The following MOK variants were observed in gnomAD, a reference collection of about 807,000 sequenced individuals.
The protein encoded by MOK is MOK protein kinase, also known as MAPK/MAK/MRK overlapping kinase.
MOK carries 59 observed loss-of-function variants against 54.2 expected under a neutral mutation model. That is an observed-to-expected ratio of 1.09 (90% CI 0.88 to 1.35). The LOEUF (loss-of-function observed/expected upper bound fraction) is 1.35. Ranked by LOEUF, MOK falls within the 40% of genes most tolerant of loss-of-function variation. The pLI, the probability that MOK is intolerant of heterozygous loss-of-function variation, is 0.00. For synonymous variants in MOK, 210 were observed against 202.7 expected (o/e 1.04, Z -0.31); for missense variants, 517 against 526.2 (o/e 0.98, Z 0.17).
downstream of MOK, among the ~76,000 whole-genome samples, chr14:102,222,201 C>T (rs908313162): frequency 6.6e-6 from 1 of 152,130 alleles, no homozygotes; most frequent in East Asian, 1.9e-4. This position sits in a 1 kb window ranked among gnomAD's most constrained non-coding sequence, Gnocchi z 4.4. Context: ...CTTCTCCACA[C>T]CCAGCTGCAG....
At chr14:102,284,530 G>A (rs768504130) in intron 1 of MOK, among the ~76,000 whole-genome samples, 13 of 152,056 alleles carry the variant, frequency 8.5e-5, no homozygotes, top group Non-Finnish European at 1.8e-4. Context: ...GAAATGGAAG[G>A]AATAAGTAAA....
At chr14:102,283,838 G>A (rs2069734307) in intron 1 of MOK, among the ~76,000 whole-genome samples, 1 of 152,128 alleles carries the variant, frequency 6.6e-6, no homozygotes, top group Non-Finnish European at 1.5e-5. Flanking sequence ...CCTGGCCAGT[G>A]AGGAGAGGCT....
intron 2 of MOK, among the ~76,000 whole-genome samples, chr14:102,276,578 C>T (rs1230110259): frequency 2.6e-5 from 4 of 151,850 alleles, no homozygotes; most frequent in Non-Finnish European, 4.4e-5. Flanking sequence ...CATATACCTA[C>T]CCTTTGACCC....
chr14:102,215,390 G>A, the MOK span, among the ~76,000 whole-genome samples: 7 of 152,148 alleles, frequency 4.6e-5, no homozygotes, highest in African/African-American at 1.4e-4. Flanking sequence ...CTGGACATCC[G>A]ACATTCTGTC....
chr14:102,217,330 C>T, the MOK span, among the ~76,000 whole-genome samples: 1 of 150,824 alleles, frequency 6.6e-6, no homozygotes, highest in Admixed American at 6.6e-5. Context: ...TGCTTTTCTT[C>T]CACCTTCAGA....
rs370835577 is a variant in MOK, at chr14:102,229,399, G to C, written c.1183-33C>G. On this transcript the variant is annotated intron_variant, in intron 11 of 11. Coordinates refer to ENST00000361847, the MANE Select transcript of MOK (RefSeq NM_014226.3). ...AGAAAAATTACAGACACAAAATTCA[G>C]TGGCGGCCTGGGCTGGGTCGAAGAG... The C allele has an allele frequency of 1.5e-4, 248 of 1,613,998 alleles. 1 individual carries two copies. Among genetic ancestry groups the C allele is most frequent in the Non-Finnish European group, 2.0e-4 (238 of 1,179,964 alleles).
chr14:102,221,430 T>G (rs556093103), downstream of MOK, among the ~76,000 whole-genome samples: 1 of 152,306 alleles, frequency 6.6e-6, no homozygotes, highest in South Asian at 2.1e-4. This position sits in a 1 kb window ranked among gnomAD's most constrained non-coding sequence, Gnocchi z 4.8. Context: ...CCAGACTGTC[T>G]GCGGCAGAAG....
intron 1 of MOK, among the ~76,000 whole-genome samples, chr14:102,298,946 A>C (rs1403747723): frequency 6.6e-6 from 1 of 152,050 alleles, no homozygotes; most frequent in Non-Finnish European, 1.5e-5. Flanking sequence ...CTGCAGCTTC[A>C]CTCCTGAAGC....
chr14:102,219,412 C>T, the MOK span, among the ~76,000 whole-genome samples: 2 of 152,258 alleles, frequency 1.3e-5, no homozygotes, highest in Non-Finnish European at 2.9e-5. Flanking sequence ...TGTCGCACCC[C>T]CTGCTTCTGG....
Position 102,232,090 on chromosome 14 carries a change from C to A in MOK, c.867-269G>T, listed in dbSNP as rs2064780654. 2.3e-6 allele frequency: 1 copy of A among 428,682 alleles called. No homozygotes were observed. Among genetic ancestry groups the A allele is most frequent in the Non-Finnish European group, 4.2e-6 (1 of 239,930 alleles). 26.6% of individuals were successfully genotyped at this position (428,682 alleles called of 1,614,324 possible). On this transcript the variant is annotated intron_variant, in intron 9 of 11. Transcript: ENST00000361847. This position sits in a 1 kb window ranked among gnomAD's most constrained non-coding sequence, Gnocchi z 5.1. ...TCAAACTGTCACCTCCACAGTTAGGCAAACAGGAGTGTCCAGAGGTCCGGA... is the reference window on the plus strand; with the variant it reads ...TCAAACTGTCACCTCCACAGTTAGGAAAACAGGAGTGTCCAGAGGTCCGGA...
At chr14:102,293,532 C>A (rs1163515525) in intron 1 of MOK, among the ~76,000 whole-genome samples, 1 of 151,392 alleles carries the variant, frequency 6.6e-6, no homozygotes, top group Non-Finnish European at 1.5e-5. Context: ...AACCCTGTCT[C>A]TACTAAAAAT....
At chr14:102,273,131 C>A (rs920077314) in intron 2 of MOK, among the ~76,000 whole-genome samples, 3 of 151,810 alleles carry the variant, frequency 2.0e-5, no homozygotes, top group Non-Finnish European at 2.9e-5. Context: ...GATCGCGCCA[C>A]TGCACTCCAG....
intron 2 of MOK, among the ~76,000 whole-genome samples, chr14:102,268,559 T>A (rs756978214): frequency 1.1e-4 from 17 of 152,162 alleles, no homozygotes; most frequent in Non-Finnish European, 1.9e-4. Context: ...AGATGACATT[T>A]ACCATAAGTG....
chr14:102,277,448 T>C (rs1339033854), intron 2 of MOK: 1 of 151,948 alleles, frequency 6.6e-6, no homozygotes, highest in East Asian at 1.9e-4. Flanking sequence ...TGAAACCCCG[T>C]CACTACTAAA....
Position 102,294,074 on chromosome 14 carries a change from C to A in MOK, c.8-10482G>T, listed in dbSNP as rs188178184. 2.0e-5 allele frequency among the ~76,000 whole-genome samples: 3 copies of A among 152,076 alleles called. No individual in the cohort carries two copies. The East Asian group carries it at 5.8e-4, about 29-fold the overall frequency. On this transcript the variant is annotated intron_variant, in intron 1 of 11. Transcript: ENST00000361847. ...CAGCACTCTGGGAGGCTTAGGCAGG[C>A]GGATCACCTGATCCCAGGAGTTTGA...
chr14:102,233,304 C>T (rs2064910456), intron 8 of MOK: 1 of 182,766 alleles, frequency 5.5e-6, no homozygotes. Context: ...AACACCTCTT[C>T]CAGGCGTCGG....
At chr14:102,283,173 AT>A in intron 2 of MOK, 1 of 205,352 alleles carries the variant, frequency 4.9e-6, no homozygotes, top group East Asian at 1.1e-4. Context: ...GTTTTTTTTA[AT>A]TAAAAAAAAA....
Position 102,229,312 on chromosome 14 carries a change from T to C in MOK, c.1237A>G (p.Ile413Val), listed in dbSNP as rs1290953916. ...AGTTATCTTCCGCCTTTCCGCACTA[T>C]GGTGGGCAGGCGACACTGCTGCGGG... is the stretch of plus-strand genomic sequence containing the variant. ...PAPQQCRLPT[I>V]VRKGGR Residue 413 changes from isoleucine (I) to valine (V), a missense_variant, in exon 12 of 12, where the codon ATA becomes GTA. By Grantham distance (29) the Ile-to-Val change is conservative (BLOSUM62 3). Transcript: ENST00000361847. The C allele has an allele frequency of 1.9e-6, 3 of 1,612,096 alleles. No homozygotes were observed. The highest frequency in any genetic ancestry group is 2.5e-6 in the Non-Finnish European group (3 of 1,178,870).
In MOK at chr14:102,232,335, A is replaced by G. The variant is rs1440874888; in HGVS notation, c.866+200T>C. 3.8e-5 allele frequency: 20 copies of G among 531,442 alleles called. No homozygotes were observed. Among genetic ancestry groups the G allele is most frequent in the Admixed American group, 1.1e-4 (3 of 28,528 alleles). The allele number at this position is 531,442 out of a possible 1,614,324, so 32.9% of individuals were successfully genotyped here. A position where few individuals can be genotyped will look rare whatever the true frequency, so the allele number is the denominator to read the frequency against. The stretch of plus-strand genomic sequence containing the variant: ...CTCTTTCTCCTGCCGTGGAGCTGCT[A>G]ACATCCTCATTTTGGGGAGGATACA... On this transcript the variant is annotated intron_variant, in intron 9 of 11. Coordinates refer to ENST00000361847, the MANE Select transcript of MOK (RefSeq NM_014226.3). This position sits in a 1 kb window ranked among gnomAD's most constrained non-coding sequence, Gnocchi z 5.1.
Sources: gnomAD v4.1 joint callset for allele counts (sites outside exome capture counted in the v4.1 genomes callset) on GRCh38, gnomAD v4.1.1 for gene constraint, Gnocchi (gnomAD v3.1) non-coding constraint, MANE v1.5 for transcripts, NCBI Gene and HGNC (gene_info 2026-07-23, HGNC 2026-07-21) for gene names.